CPS1: variants seen among roughly 807,000 people sequenced by gnomAD.
The protein encoded by CPS1 is carbamoyl-phosphate synthase 1.
Under a neutral mutation model 174.6 loss-of-function variants are expected in CPS1, and 109 were observed. That is an observed-to-expected ratio of 0.62 (90% CI 0.53 to 0.73). The LOEUF is 0.73. Ranked by LOEUF, CPS1 falls within the 30% of genes least tolerant of loss-of-function variation. The pLI is 0.00. For missense variants in CPS1, 1,689 were observed against 1,821.9 expected (o/e 0.93, Z 1.33); for synonymous variants, 637 against 632.0 (o/e 1.01, Z -0.12).
At chr2:210,515,643 A>G (rs1259747681) in intron 1 of CPS1, among the ~76,000 whole-genome samples, 1 of 151,686 alleles carries the variant, frequency 6.6e-6, no homozygotes, top group Admixed American at 6.6e-5. Flanking sequence ...ATTCTTTCAA[A>G]GAACCCACTT....
chr2:210,551,146 T>C (rs1696719430), intron 1 of CPS1, among the ~76,000 whole-genome samples: 1 of 151,974 alleles, frequency 6.6e-6, no homozygotes, highest in African/African-American at 2.4e-5. Context: ...TTGTTTTTCT[T>C]TCTCTTTTTG....
intron 1 of CPS1, among the ~76,000 whole-genome samples, chr2:210,480,405 C>T (rs1343715008): frequency 6.6e-6 from 1 of 152,184 alleles, no homozygotes; most frequent in Non-Finnish European, 1.5e-5. Context: ...CTTTGGTGGA[C>T]AGTTAATGTC....
chr2:210,509,526 G>T (rs1048755887), intron 1 of CPS1, among the ~76,000 whole-genome samples: 5 of 152,100 alleles, frequency 3.3e-5, no homozygotes, highest in Non-Finnish European at 7.4e-5. Context: ...GGAAGTTCTG[G>T]CCAGGGCAAT....
intron 1 of CPS1, among the ~76,000 whole-genome samples, chr2:210,540,558 A>G (rs1696370089): frequency 6.6e-6 from 1 of 152,200 alleles, no homozygotes; most frequent in Non-Finnish European, 1.5e-5. Context: ...TACTCTTGCT[A>G]TGAGTCACTG....
At chr2:210,570,192 A>G (rs1371105993) in intron 1 of CPS1, among the ~76,000 whole-genome samples, 1 of 151,968 alleles carries the variant, frequency 6.6e-6, no homozygotes, top group East Asian at 1.9e-4. Flanking sequence ...CTTTGTAACA[A>G]TATAATGTGT....
rs77201541 is a variant in CPS1 at position 210,577,839 on chromosome 2, T to C, written c.471+329T>C. Among the ~76,000 whole-genome samples, 43 of 152,290 alleles carry C rather than the reference T, an allele frequency of 2.8e-4. No individual in the cohort carries two copies. In the East Asian group the frequency reaches 7.5e-3, roughly 27 times the overall value. On this transcript the variant is annotated intron_variant, in intron 4 of 37. Coordinates refer to ENST00000233072, the MANE Select transcript of CPS1 (RefSeq NM_001875.5). ...TTTTACTCTCCTTCACCGTTTTATCTAGAATGTAGTAATGGAACTTGCTTC... is the reference window on the plus strand; with the variant it reads ...TTTTACTCTCCTTCACCGTTTTATCCAGAATGTAGTAATGGAACTTGCTTC...
At chr2:210,564,978 G>T (rs1019680575) in intron 1 of CPS1, among the ~76,000 whole-genome samples, 2 of 151,556 alleles carry the variant, frequency 1.3e-5, no homozygotes, top group African/African-American at 2.4e-5. Context: ...TTGGTCGACA[G>T]AGAGATTTCA....
intron 34 of CPS1, among the ~76,000 whole-genome samples, chr2:210,668,523 T>A (rs1203323258): frequency 6.6e-6 from 1 of 152,182 alleles, no homozygotes; most frequent in Non-Finnish European, 1.5e-5. Flanking sequence ...TGAAGGGATA[T>A]TTGTTCTAAA....
At chr2:210,660,794 T>G (rs1324117850) in intron 32 of CPS1, 139 bp downstream of exon 32, 2 of 870,118 alleles carry the variant, frequency 2.3e-6, no homozygotes, top group African/African-American at 1.7e-5. Context: ...CTTTCAATAA[T>G]GTACTGCAGT....
chr2:210,577,198 T>C (rs1171876420), intron 3 of CPS1: 13 of 569,588 alleles, frequency 2.3e-5, no homozygotes, highest in Middle Eastern at 4.7e-4. Flanking sequence ...AGTCTCAGGA[T>C]TTACCAAGCC....
chr2:210,552,857 A>G (rs539350117), upstream of CPS1, among the ~76,000 whole-genome samples: 2 of 152,210 alleles, frequency 1.3e-5, no homozygotes, highest in East Asian at 3.9e-4. Flanking sequence ...AATTAAAAAC[A>G]TACTGTGAAG....
rs1470950207 is a variant in CPS1, at chr2:210,642,482, A to G, written c.2960-2A>G. On this transcript the variant is annotated splice_acceptor_variant, in intron 24 of 37. Transcript: ENST00000233072. LOFTEE classifies it high-confidence loss of function. Reference sequence around the variant, plus strand: ...CTTTTGCCAATCTCATTGTCTCTGCAGGCAGCAGTGTGGAATTTGATTGGT... The same window carrying G: ...CTTTTGCCAATCTCATTGTCTCTGCGGGCAGCAGTGTGGAATTTGATTGGT... The G allele has an allele frequency of 6.2e-7, 1 of 1,613,954 alleles. No individual in the cohort carries two copies.
chr2:210,677,360 C>T (rs1462237352), intron 37 of CPS1, among the ~76,000 whole-genome samples: 1 of 152,222 alleles, frequency 6.6e-6, no homozygotes, highest in Non-Finnish European at 1.5e-5. Flanking sequence ...CATGAATGGC[C>T]ATGGCTCTCT....
intron 1 of CPS1, among the ~76,000 whole-genome samples, chr2:210,543,331 A>G (rs1419613366): frequency 1.7e-4 from 26 of 152,060 alleles, no homozygotes; most frequent in Admixed American, 1.7e-3. Flanking sequence ...TGCCCTGCCA[A>G]CACCTACAGG....
chr2:210,523,354 C>T (rs527630927), intron 1 of CPS1, among the ~76,000 whole-genome samples: 5 of 151,966 alleles, frequency 3.3e-5, no homozygotes, highest in Admixed American at 2.0e-4. Context: ...CATTTGCACA[C>T]TTTATTAATT....
chr2:210,539,055 T>C (rs1004695799), intron 1 of CPS1, among the ~76,000 whole-genome samples: 2 of 152,208 alleles, frequency 1.3e-5, no homozygotes, highest in Admixed American at 6.5e-5. Flanking sequence ...TCCGCACTCA[T>C]TGGCATGCCT....
chr2:210,538,458 A>G (rs1696316210), intron 1 of CPS1, among the ~76,000 whole-genome samples: 1 of 152,052 alleles, frequency 6.6e-6, no homozygotes, highest in Non-Finnish European at 1.5e-5. Context: ...AATATATTAA[A>G]ATGATATACT....
intron 1 of CPS1, among the ~76,000 whole-genome samples, chr2:210,547,565 A>G (rs1206520044): frequency 6.6e-6 from 1 of 152,078 alleles, no homozygotes; most frequent in Non-Finnish European, 1.5e-5. Context: ...TTCTCTTGGT[A>G]CAGTACTCAC....
At chr2:210,574,769 A>G (rs990698913) in intron 2 of CPS1, among the ~76,000 whole-genome samples, 1 of 152,112 alleles carries the variant, frequency 6.6e-6, no homozygotes, top group African/African-American at 2.4e-5. Context: ...AAAACAAAGT[A>G]TATTTATTCA....
Sources: allele counts gnomAD v4.1 joint callset (sites outside exome capture counted in the v4.1 genomes callset), GRCh38; gene constraint gnomAD v4.1.1; transcripts MANE v1.5; gene names NCBI Gene and HGNC (gene_info 2026-07-23, HGNC 2026-07-21).